The following IFITM1 variants were observed in gnomAD, a reference collection of about 807,000 sequenced individuals.
IFITM1 encodes interferon induced transmembrane protein 1.
In IFITM1, 1 loss-of-function variant was observed where a neutral mutation model predicts 4.0. The observed-to-expected ratio is 0.25, with a 90% confidence interval of 0.09 to 1.18. IFITM1 has a LOEUF of 1.18. Among genes scored for constraint, IFITM1 ranks in the 50% most tolerant of loss-of-function variants. The probability of loss-of-function intolerance (pLI) is 0.50; values close to 1 mark genes in which losing one functional copy is unlikely to be tolerated. For missense variants in IFITM1, 131 were observed against 163.2 expected (o/e 0.80, Z 1.08); for synonymous variants, 79 against 69.7 (o/e 1.13, Z -0.67).
In IFITM1 at chr11:314,266, C is replaced by T. The variant is rs761588651; in HGVS notation, c.96C>T (p.Ser32=). The T allele has an allele frequency of 1.2e-5, 20 of 1,613,860 alleles. No homozygotes were observed. Among genetic ancestry groups the T allele is most frequent in the South Asian group, 2.2e-5 (2 of 91,084 alleles). Residue 32 remains serine (S), a synonymous_variant, in exon 1 of 2, where the codon TCC becomes TCT. Transcript: ENST00000408968. The surrounding 1 kb of genome is among the most constrained non-coding windows in gnomAD (Gnocchi z 4.5). ...TGATCAACATCCACAGCGAGACCTC[C>T]GTGCCCGACCATGTCGTCTGGTCCC... ...STVINIHSET[S]VPDHVVWSLF...
Position 315,092 on chromosome 11 carries a change from A to T in IFITM1, c.357A>T (p.Ile119=), listed in dbSNP as rs199964114. ...TCTACCATATTATGTTACAGATAAT[A>T]CAGGAAAAACGGGGTTACTAGTAGC... The part of the protein sequence containing the change: ...VTVYHIMLQI[I]QEKRGY Residue 119 remains isoleucine (I), a synonymous_variant, in exon 2 of 2, where the codon ATA becomes ATT. Coordinates refer to ENST00000408968, the MANE Select transcript of IFITM1 (RefSeq NM_003641.5). 14 of 1,614,158 alleles carry T rather than the reference A, an allele frequency of 8.7e-6. No individual in the cohort carries two copies. Among genetic ancestry groups the T allele is most frequent in the Non-Finnish European group, 1.1e-5 (13 of 1,179,988 alleles).
Position 315,123 on chromosome 11 carries a change from A to G in IFITM1, c.*10A>G. 2.5e-6 allele frequency: 4 copies of G among 1,613,364 alleles called. No homozygotes were observed. Among genetic ancestry groups the G allele is most frequent in the Non-Finnish European group, 3.4e-6 (4 of 1,179,476 alleles). ...AAAACGGGGTTACTAGTAGCCGCCC[A>G]TAGCCTGCAACCTTTGCACTCCACT... On this transcript the variant is annotated 3_prime_UTR_variant, in exon 2 of 2. Coordinates refer to ENST00000408968, the MANE Select transcript of IFITM1 (RefSeq NM_003641.5).
At position 314,332 on chromosome 11, in the gene IFITM1, C is replaced by T; in HGVS notation, c.162C>T (p.Phe54=). 1 of 1,613,992 alleles carries T rather than the reference C, an allele frequency of 6.2e-7. No homozygotes were observed. The highest frequency in any genetic ancestry group is 8.5e-7 in the Non-Finnish European group (1 of 1,179,876). Residue 54 remains phenylalanine, a synonymous_variant, in exon 1 of 2, where the codon TTC becomes TTT. Transcript: ENST00000408968. This position sits in a 1 kb window ranked among gnomAD's most constrained non-coding sequence, Gnocchi z 4.5. ...TCTTGAACTGGTGCTGTCTGGGCTT[C>T]ATAGCATTCGCCTACTCCGTGAAGG... ...TLFLNWCCLG[F]IAFAYSVKSR...
rs572703137 is a variant in IFITM1 at position 315,094 on chromosome 11, A to G, written c.359A>G (p.Gln120Arg). ...TVYHIMLQII[Q>R]EKRGY is the part of the protein sequence containing the mutation. ...TACCATATTATGTTACAGATAATACAGGAAAAACGGGGTTACTAGTAGCCG... is the reference window on the plus strand; with the variant it reads ...TACCATATTATGTTACAGATAATACGGGAAAAACGGGGTTACTAGTAGCCG... The change falls in exon 2 of 2, where the codon CAG becomes CGG. Residue 120 changes from glutamine (Q) to arginine (R), a missense_variant. By Grantham distance (43) the Gln-to-Arg change is conservative (BLOSUM62 1). Coordinates refer to ENST00000408968, the MANE Select transcript of IFITM1 (RefSeq NM_003641.5). 8.7e-6 allele frequency: 14 copies of G among 1,614,116 alleles called. No homozygotes were observed. The East Asian group carries it at 1.1e-4, about 13-fold the overall frequency.
chr11:314,782 C>G lies in IFITM1; in HGVS notation c.187-140C>G. 1.8e-6 allele frequency: 2 copies of G among 1,124,818 alleles called. No homozygotes were observed. Among genetic ancestry groups the G allele is most frequent in the Non-Finnish European group, 1.3e-6 (1 of 758,286 alleles). The allele number at this position is 1,124,818 out of a possible 1,614,324, so 69.7% of individuals were successfully genotyped here. ...GGCCAAGGCAGAAGGAGGATGAGCC[C>G]CGAGGCTCCTGGAGAGTCTGAGCCC... is the stretch of plus-strand genomic sequence containing the variant. On this transcript the variant is annotated intron_variant, in intron 1 of 1. Transcript: ENST00000408968. The surrounding 1 kb of genome is among the most constrained non-coding windows in gnomAD (Gnocchi z 4.5).
chr11:315,146 A>C lies in IFITM1; in HGVS notation c.*33A>C. Reference sequence around the variant, plus strand: ...CCATAGCCTGCAACCTTTGCACTCCACTGTGCAATGCTGGCCCTGCACGCT... The same window carrying C: ...CCATAGCCTGCAACCTTTGCACTCCCCTGTGCAATGCTGGCCCTGCACGCT... On this transcript the variant is annotated 3_prime_UTR_variant, in exon 2 of 2. Coordinates refer to ENST00000408968, the MANE Select transcript of IFITM1 (RefSeq NM_003641.5). 1 of 1,599,966 alleles carries C rather than the reference A, an allele frequency of 6.3e-7. No homozygotes were observed.
chr11:315,119 G>C lies in IFITM1; in HGVS notation c.*6G>C, dbSNP rs76093031. 91 of 1,613,420 alleles carry C rather than the reference G, an allele frequency of 5.6e-5. 1 individual carries two copies. The South Asian group carries it at 9.6e-4, about 17-fold the overall frequency. ...AGGAAAAACGGGGTTACTAGTAGCC[G>C]CCCATAGCCTGCAACCTTTGCACTC... On this transcript the variant is annotated 3_prime_UTR_variant, in exon 2 of 2. Transcript: ENST00000408968.
Position 315,161 on chromosome 11 carries a change from C to A in IFITM1, c.*48C>A. The stretch of plus-strand genomic sequence containing the variant: ...TTTGCACTCCACTGTGCAATGCTGG[C>A]CCTGCACGCTGGGGCTGTTGCCCCT... On this transcript the variant is annotated 3_prime_UTR_variant, in exon 2 of 2. Transcript: ENST00000408968. 1 of 1,584,174 alleles carries A rather than the reference C, an allele frequency of 6.3e-7. No homozygotes were observed. Among genetic ancestry groups the A allele is most frequent in the Non-Finnish European group, 8.6e-7 (1 of 1,156,682 alleles).
In IFITM1 at chr11:314,836, G is replaced by C; in HGVS notation, c.187-86G>C. ...TGAGGAAGGGGAGGAGGTGGTCCCT[G>C]ATCTCAGGGCGGGGAGGAGACGGAG... is the stretch of plus-strand genomic sequence containing the variant. On this transcript the variant is annotated intron_variant, in intron 1 of 1. Coordinates refer to ENST00000408968, the MANE Select transcript of IFITM1 (RefSeq NM_003641.5). The surrounding 1 kb of genome is among the most constrained non-coding windows in gnomAD (Gnocchi z 4.5). 4 of 1,593,234 alleles carry C rather than the reference G, an allele frequency of 2.5e-6. No individual in the cohort carries two copies. Among genetic ancestry groups the C allele is most frequent in the Non-Finnish European group, 3.4e-6 (4 of 1,168,762 alleles).
Position 314,908 on chromosome 11 carries a change from C to G in IFITM1, c.187-14C>G, listed in dbSNP as rs1590305480. 6.2e-7 allele frequency: 1 copy of G among 1,610,634 alleles called. No homozygotes were observed. The highest frequency in any genetic ancestry group is 2.2e-5 in the East Asian group (1 of 44,846). ...TGGGGGATCCTGGTCCCCTCACCATCTCCTCTCCCCCAGTCTAGGGACAGG... is the reference window on the plus strand; with the variant it reads ...TGGGGGATCCTGGTCCCCTCACCATGTCCTCTCCCCCAGTCTAGGGACAGG... On this transcript the variant is annotated splice_polypyrimidine_tract_variant and intron_variant, in intron 1 of 1. Transcript: ENST00000408968. The surrounding 1 kb of genome is among the most constrained non-coding windows in gnomAD (Gnocchi z 4.5).
Position 314,779 on chromosome 11 carries a change from G to A in IFITM1, c.187-143G>A, listed in dbSNP as rs1464222279. 1.0e-5 allele frequency: 11 copies of A among 1,058,324 alleles called. No individual in the cohort carries two copies. The highest frequency in any genetic ancestry group is 4.7e-4 in the Middle Eastern group (2 of 4,268). The allele number at this position is 1,058,324 out of a possible 1,614,324, so 65.6% of individuals were successfully genotyped here. A position where few individuals can be genotyped will look rare whatever the true frequency, so the allele number is the denominator to read the frequency against. ...TGGGGCCAAGGCAGAAGGAGGATGA[G>A]CCCCGAGGCTCCTGGAGAGTCTGAG... On this transcript the variant is annotated intron_variant, in intron 1 of 1. Coordinates refer to ENST00000408968, the MANE Select transcript of IFITM1 (RefSeq NM_003641.5). This position sits in a 1 kb window ranked among gnomAD's most constrained non-coding sequence, Gnocchi z 4.5.
At position 314,049 on chromosome 11, in the gene IFITM1, G is replaced by C. The variant is rs550990471; in HGVS notation, c.-122G>C. ...ACACTTCTGAGAAACTGAAACGACA[G>C]GGGAAAGGAGGTCTCACTGAGCACC... On this transcript the variant is annotated 5_prime_UTR_variant, in exon 1 of 2. Coordinates refer to ENST00000408968, the MANE Select transcript of IFITM1 (RefSeq NM_003641.5). The surrounding 1 kb of genome is among the most constrained non-coding windows in gnomAD (Gnocchi z 4.5). 1.7e-5 allele frequency: 13 copies of C among 746,152 alleles called. No individual in the cohort carries two copies. In the Admixed American group the frequency reaches 3.0e-4, roughly 17 times the overall value. The allele number at this position is 746,152 out of a possible 1,614,324, so 46.2% of individuals were successfully genotyped here.
rs918568756 is a variant in IFITM1, at chr11:315,168, C to T, written c.*55C>T. On this transcript the variant is annotated 3_prime_UTR_variant, in exon 2 of 2. Transcript: ENST00000408968. ...TCCACTGTGCAATGCTGGCCCTGCA[C>T]GCTGGGGCTGTTGCCCCTGCCCCCT... 6 of 1,568,042 alleles carry T rather than the reference C, an allele frequency of 3.8e-6. No individual in the cohort carries two copies. The highest frequency in any genetic ancestry group is 5.2e-6 in the Non-Finnish European group (6 of 1,143,940).
chr11:315,192 C>T lies in IFITM1; in HGVS notation c.*79C>T. 1 of 1,406,084 alleles carries T rather than the reference C, an allele frequency of 7.1e-7. No individual in the cohort carries two copies. Among genetic ancestry groups the T allele is most frequent in the Non-Finnish European group, 1.0e-6 (1 of 1,004,544 alleles). 87.1% of individuals were successfully genotyped at this position (1,406,084 alleles called of 1,614,324 possible). A position where few individuals can be genotyped will look rare whatever the true frequency, so the allele number is the denominator to read the frequency against. ...ACGCTGGGGCTGTTGCCCCTGCCCCCTTGGTCCTGCCCCTAGATACAGCAG... is the reference window on the plus strand; with the variant it reads ...ACGCTGGGGCTGTTGCCCCTGCCCCTTTGGTCCTGCCCCTAGATACAGCAG... On this transcript the variant is annotated 3_prime_UTR_variant, in exon 2 of 2. Transcript: ENST00000408968.
chr11:315,043 T>C lies in IFITM1; in HGVS notation c.308T>C (p.Leu103Ser). ...GILMTIGFIL[L>S]LVFGSVTVYH... is the part of the protein sequence containing the mutation. ...CTCATGACCATTGGATTCATCCTGT[T>C]ACTGGTATTCGGCTCTGTGACAGTC... The change falls in exon 2 of 2, where the codon TTA (leucine) becomes TCA (serine). Residue 103 changes from leucine to serine, a missense_variant. Around this residue, in one of 3 missense-constraint regions of IFITM1, gnomAD observed 35 missense variants for 30.1 expected, o/e 1.16. Coordinates refer to ENST00000408968, the MANE Select transcript of IFITM1 (RefSeq NM_003641.5). The C allele has an allele frequency of 6.2e-7, 1 of 1,614,208 alleles. No homozygotes were observed. Among genetic ancestry groups the C allele is most frequent in the African/African-American group, 1.3e-5 (1 of 75,060 alleles).
chr11:314,127 C>T lies in IFITM1; in HGVS notation c.-44C>T. The T allele has an allele frequency of 6.3e-7, 1 of 1,590,376 alleles. No homozygotes were observed. Among genetic ancestry groups the T allele is most frequent in the Non-Finnish European group, 8.6e-7 (1 of 1,159,954 alleles). On this transcript the variant is annotated 5_prime_UTR_variant, in exon 1 of 2. Transcript: ENST00000408968. The surrounding 1 kb of genome is among the most constrained non-coding windows in gnomAD (Gnocchi z 4.5). ...CCTTCGCTCCACGCAGAAAACCACA[C>T]TTCTCAAACCTTCACTCAACACTTC...
chr11:315,017 C>T lies in IFITM1; in HGVS notation c.282C>T (p.Ile94=), dbSNP rs1846038470. The T allele has an allele frequency of 1.2e-6, 2 of 1,614,194 alleles. No homozygotes were observed. Among genetic ancestry groups the T allele is most frequent in the Admixed American group, 1.7e-5 (1 of 60,028 alleles). The change falls in exon 2 of 2, where the codon ATC becomes ATT. Residue 94 remains isoleucine (I), a synonymous_variant. Coordinates refer to ENST00000408968, the MANE Select transcript of IFITM1 (RefSeq NM_003641.5). ...CLNIWALILG[I]LMTIGFILLL... is the part of the protein sequence containing the mutation. ...ACATCTGGGCCCTGATTCTGGGCAT[C>T]CTCATGACCATTGGATTCATCCTGT...
chr11:314,481 C>A lies in IFITM1; in HGVS notation c.186+125C>A. ...TGTGAGTTTGTGTGCACCTCTGCCCCGTGTGTGCTCACGTCAGTAGCTTTG... is the reference window on the plus strand; with the variant it reads ...TGTGAGTTTGTGTGCACCTCTGCCCAGTGTGTGCTCACGTCAGTAGCTTTG... On this transcript the variant is annotated intron_variant, in intron 1 of 1. Transcript: ENST00000408968. The surrounding 1 kb of genome is among the most constrained non-coding windows in gnomAD (Gnocchi z 4.5). The A allele has an allele frequency of 9.7e-7, 1 of 1,034,760 alleles. No homozygotes were observed. The highest frequency in any genetic ancestry group is 1.5e-6 in the Non-Finnish European group (1 of 675,778). The allele number at this position is 1,034,760 out of a possible 1,614,324, so 64.1% of individuals were successfully genotyped here.
Position 315,232 on chromosome 11 carries a change from C to A in IFITM1, c.*119C>A. ...AGATACAGCAGTTTATACCCACACA[C>A]CTGTCTACAGTGTCATTCAATAAAG... is the stretch of plus-strand genomic sequence containing the variant. On this transcript the variant is annotated 3_prime_UTR_variant, in exon 2 of 2. Coordinates refer to ENST00000408968, the MANE Select transcript of IFITM1 (RefSeq NM_003641.5). 1.1e-6 allele frequency: 1 copy of A among 901,304 alleles called. No homozygotes were observed. The highest frequency in any genetic ancestry group is 1.7e-6 in the Non-Finnish European group (1 of 572,310). The allele number at this position is 901,304 out of a possible 1,614,324, so 55.8% of individuals were successfully genotyped here. A position where few individuals can be genotyped will look rare whatever the true frequency, so the allele number is the denominator to read the frequency against.
Sources: allele counts gnomAD v4.1 joint callset, GRCh38; gene constraint gnomAD v4.1.1; regional missense constraint gnomAD v4.1.1; non-coding constraint Gnocchi (gnomAD v3.1); transcripts MANE v1.5; gene names NCBI Gene and HGNC (gene_info 2026-07-23, HGNC 2026-07-21).